Variants in COPG2 observed in about 807,000 individuals in gnomAD.
The protein encoded by COPG2 is coatomer subunit gamma-2.
In COPG2, 37 loss-of-function variants were observed where a neutral mutation model predicts 46.3. The ratio of observed to expected loss-of-function variants is 0.80; its 90% CI spans 0.61 to 1.05. The LOEUF (loss-of-function observed/expected upper bound fraction) is 1.05, where lower values mean the gene tolerates loss of function less well. Ranked by LOEUF, COPG2 falls within the 50% of genes least tolerant of loss-of-function variation. The probability of loss-of-function intolerance (pLI) is 0.00; values close to 1 mark genes in which losing one functional copy is unlikely to be tolerated. For synonymous variants in COPG2, 159 were observed against 129.7 expected, an observed-to-expected ratio of 1.23 and a Z score of -1.53; for missense variants, 427 against 387.8, an observed-to-expected ratio of 1.10 and a Z score of -0.85.
At chr7:130,627,286 T>G (rs1359885206) in intron 5 of COPG2, among the ~76,000 whole-genome samples, 1 of 152,222 alleles carries the variant, frequency 6.6e-6, no homozygotes, top group Non-Finnish European at 1.5e-5. Context: ...GCAGATAAGC[T>G]GTAAGTCGGC....
intron 9 of COPG2, among the ~76,000 whole-genome samples, chr7:130,592,784 G>A (rs1307642311): frequency 2.0e-5 from 3 of 152,204 alleles, no homozygotes; most frequent in Admixed American, 6.5e-5. Flanking sequence ...TACCAGGGAA[G>A]GGATACTTCC....
Position 130,613,591 on chromosome 7 carries a change from C to CA in COPG2, c.444dup (p.Val149CysfsTer3). On this transcript the variant is annotated frameshift_variant, in exon 7 of 24. Transcript: ENST00000425248. LOFTEE classifies it high-confidence loss of function. ...CTGGATACACTGGAAACTTTATCCA[C>CA]AATGGCCTGCTTCATGTATCTTTCA... 1 of 1,602,542 alleles carries CA rather than the reference C, an allele frequency of 6.2e-7. No homozygotes were observed. The highest frequency in any genetic ancestry group is 8.5e-7 in the Non-Finnish European group (1 of 1,173,854).
Position 130,551,293 on chromosome 7 carries a change from C to T in COPG2, c.1596G>A (p.Leu532=). The change falls in exon 16 of 24, where the codon CTG becomes CTA. Residue 532 remains leucine (L), a synonymous_variant. Coordinates refer to ENST00000425248, the MANE Select transcript of COPG2 (RefSeq NM_012133.6). ...CCATCTGCCTCTGCTGCAGCACATTCAGATAGAAGGTAGCTCTGTCTCGTA... is the reference window on the plus strand; with the variant it reads ...CCATCTGCCTCTGCTGCAGCACATTTAGATAGAAGGTAGCTCTGTCTCGTA... ...DEVRDRATFY[L]NVLQQRQMAL... is the part of the protein sequence containing the mutation. 5.0e-6 allele frequency: 2 copies of T among 398,548 alleles called. No homozygotes were observed. Among genetic ancestry groups the T allele is most frequent in the Non-Finnish European group, 8.8e-6 (2 of 226,018 alleles). The allele number at this position is 398,548 out of a possible 1,614,324, so 24.7% of individuals were successfully genotyped here.
At chr7:130,664,120 C>T (rs541909925) in intron 3 of COPG2, among the ~76,000 whole-genome samples, 3 of 152,158 alleles carry the variant, frequency 2.0e-5, no homozygotes, top group South Asian at 2.1e-4. Flanking sequence ...TGTTAGATAA[C>T]GTATTTCAAA....
chr7:130,639,992 G>A (rs1795431723), intron 5 of COPG2, among the ~76,000 whole-genome samples: 1 of 152,080 alleles, frequency 6.6e-6, no homozygotes, highest in African/African-American at 2.4e-5. Flanking sequence ...CTCAGTGGTA[G>A]GTTTCTTCCG....
chr7:130,506,476 GAATAAA>G lies in COPG2; in HGVS notation c.*194_*199del. 1 of 358,486 alleles carries G rather than the reference GAATAAA, an allele frequency of 2.8e-6. No homozygotes were observed. The highest frequency in any genetic ancestry group is 4.9e-6 in the Non-Finnish European group (1 of 204,192). 22.2% of individuals were successfully genotyped at this position (358,486 alleles called of 1,614,324 possible). On this transcript the variant is annotated 3_prime_UTR_variant, in exon 24 of 24. Transcript: ENST00000425248. ...CTATCGTCCCAAAGCTGACCAAGTA[GAATAAA>G]AAGAAAAAAAAAAAAAAACAACCCA...
intron 5 of COPG2, among the ~76,000 whole-genome samples, chr7:130,638,413 G>A (rs1426883847): frequency 6.6e-6 from 1 of 152,214 alleles, no homozygotes; most frequent in African/African-American, 2.4e-5. Flanking sequence ...TTCTTTCAGA[G>A]ATGCCCTGCC....
At chr7:130,628,366 T>C (rs2116537389) in intron 5 of COPG2, among the ~76,000 whole-genome samples, 1 of 152,312 alleles carries the variant, frequency 6.6e-6, no homozygotes, top group South Asian at 2.1e-4. Context: ...TTTATACTTC[T>C]TTAAATTTTT....
chr7:130,616,889 A>G, intron 6 of COPG2, 101 bp downstream of exon 6: 1 of 705,444 alleles, frequency 1.4e-6, no homozygotes, highest in Non-Finnish European at 2.4e-6. Context: ...CTTATACTGA[A>G]AATTCACAAA....
Position 130,609,270 on chromosome 7 carries a change from G to A in COPG2, c.737+1683C>T, listed in dbSNP as rs1176435702. On this transcript the variant is annotated intron_variant, in intron 9 of 23. Coordinates refer to ENST00000425248, the MANE Select transcript of COPG2 (RefSeq NM_012133.6). ...TCATCTTGAATTTCCATGTGTTATG[G>A]GAGGGACCAAGTGGGAGGTAATTGA... is the stretch of plus-strand genomic sequence containing the variant. Among the ~76,000 whole-genome samples, 6 of 152,246 alleles carry A rather than the reference G, an allele frequency of 3.9e-5. No individual in the cohort carries two copies. In the East Asian group the frequency reaches 1.2e-3, roughly 29 times the overall value.
At chr7:130,514,563 A>G (rs1799662527) in intron 20 of COPG2, among the ~76,000 whole-genome samples, 1 of 152,240 alleles carries the variant, frequency 6.6e-6, no homozygotes, top group Non-Finnish European at 1.5e-5. Flanking sequence ...GACAGAGTCC[A>G]TCTGAATGAA....
intron 9 of COPG2, among the ~76,000 whole-genome samples, chr7:130,569,298 T>C (rs1464981139): frequency 2.6e-5 from 4 of 151,952 alleles, no homozygotes; most frequent in African/African-American, 9.7e-5. Context: ...ATAAACAAAA[T>C]TGACAGACCA....
chr7:130,569,715 G>C (rs1287649766), intron 9 of COPG2, among the ~76,000 whole-genome samples: 1 of 152,034 alleles, frequency 6.6e-6, no homozygotes, highest in Non-Finnish European at 1.5e-5. Context: ...TAAGAAGCCA[G>C]TATAACCCTA....
Position 130,666,918 on chromosome 7 carries a change from G to T in COPG2, c.102C>A (p.Phe34Leu). 1.3e-6 allele frequency: 2 copies of T among 1,548,570 alleles called. No individual in the cohort carries two copies. Among genetic ancestry groups the T allele is most frequent in the South Asian group, 2.4e-5 (2 of 83,992 alleles). Residue 34 changes from phenylalanine (F) to leucine (L), a missense_variant, in exon 3 of 24, where the codon TTC becomes TTA. Transcript: ENST00000425248. ...TTCTTGGATTGATTGGAGTTTCATT[G>T]AATATACGAGCCTATGAAAAAACAT... ...KSAVLQEARI[F>L]NETPINPRRC...
rs1405047264 is a variant in COPG2, at chr7:130,606,187, C to T, written c.737+4766G>A. On this transcript the variant is annotated intron_variant, in intron 9 of 23. Transcript: ENST00000425248. ...GTTGTAGTGAGCTGAGACTGTGCCA[C>T]TGTACTCCAGCCTGGGCAGCAGAGC... Among the ~76,000 whole-genome samples, 5 of 150,862 alleles carry T rather than the reference C, an allele frequency of 3.3e-5. No individual in the cohort carries two copies. The Admixed American group carries it at 3.3e-4, about 10-fold the overall frequency.
At chr7:130,584,435 A>G (rs1407388932) in intron 9 of COPG2, among the ~76,000 whole-genome samples, 2 of 152,036 alleles carry the variant, frequency 1.3e-5, no homozygotes, top group Admixed American at 1.3e-4. Flanking sequence ...ACGCCTCTTC[A>G]ACATAGAAGT....
At chr7:130,590,446 C>T (rs376740500) in intron 9 of COPG2, among the ~76,000 whole-genome samples, 10 of 152,192 alleles carry the variant, frequency 6.6e-5, no homozygotes, top group African/African-American at 1.4e-4. Flanking sequence ...TTGGTGGAGA[C>T]GGGGTTTCGC....
chr7:130,509,702 TGATCTC>T (rs1441188594), intron 20 of COPG2: 3 of 519,698 alleles, frequency 5.8e-6, no homozygotes, highest in African/African-American at 1.9e-5. Flanking sequence ...GACTGAGACA[TGATCTC>T]TGTCTCTAGG....
At chr7:130,617,570 CA>C (rs1354890879) in intron 5 of COPG2, among the ~76,000 whole-genome samples, 1 of 152,194 alleles carries the variant, frequency 6.6e-6, no homozygotes, top group Non-Finnish European at 1.5e-5. Context: ...TGCTGAGCTT[CA>C]AAAACAGGCA....
Sources: gnomAD v4.1 joint callset for allele counts (sites outside exome capture counted in the v4.1 genomes callset) on GRCh38, gnomAD v4.1.1 for gene constraint, MANE v1.5 for transcripts, NCBI Gene and HGNC (gene_info 2026-07-23, HGNC 2026-07-21) for gene names.